The following PRR16 variants were observed in gnomAD, a reference collection of about 807,000 sequenced individuals.
PRR16 encodes the protein proline rich 16, also known as protein Largen.
PRR16 carries 6 observed loss-of-function variants against 18.2 expected under a neutral mutation model. That is an observed-to-expected ratio of 0.33 (90% CI 0.18 to 0.65). The LOEUF (loss-of-function observed/expected upper bound fraction) is 0.65. Among genes scored for constraint, PRR16 ranks in the 30% least tolerant of loss-of-function variants. The pLI, the probability that PRR16 is intolerant of heterozygous loss-of-function variation, is 0.74. For missense variants in PRR16, 412 were observed against 376.6 expected, an observed-to-expected ratio of 1.09 and a Z score of -0.78; for synonymous variants, 151 against 147.8, an observed-to-expected ratio of 1.02 and a Z score of -0.16.
the PRR16 span, among the ~76,000 whole-genome samples, chr5:120,739,131 C>T: frequency 2.6e-5 from 4 of 151,884 alleles, no homozygotes; most frequent in Admixed American, 2.6e-4. Context: ...TTTTGGGAGG[C>T]CACTCTAACA....
chr5:120,501,410 AACACACACACAT>A (rs1185727800), intron 1 of PRR16, among the ~76,000 whole-genome samples: 1 of 139,708 alleles, frequency 7.2e-6, no homozygotes, highest in Non-Finnish European at 1.5e-5. Context: ...GGAGATATTA[AACACACACACAT>A]ACACACACAC....
At chr5:120,749,113 A>G in the PRR16 span, among the ~76,000 whole-genome samples, 1 of 152,268 alleles carries the variant, frequency 6.6e-6, no homozygotes, top group Middle Eastern at 3.4e-3. Context: ...TTCTTTGAAA[A>G]CATATAATGC....
chr5:120,767,777 A>C, the PRR16 span, among the ~76,000 whole-genome samples: 11 of 151,944 alleles, frequency 7.2e-5, no homozygotes, highest in South Asian at 2.3e-3. Flanking sequence ...GCAATCTTGA[A>C]TATAAGACTT....
chr5:120,574,910 A>G (rs1268861417), intron 1 of PRR16, among the ~76,000 whole-genome samples: 2 of 148,640 alleles, frequency 1.3e-5, no homozygotes, highest in African/African-American at 5.2e-5. Context: ...TAACAAAGGA[A>G]TTTGTTCGTA....
the PRR16 span, among the ~76,000 whole-genome samples, chr5:120,703,606 G>A: frequency 6.6e-6 from 1 of 152,188 alleles, no homozygotes; most frequent in Non-Finnish European, 1.5e-5. Flanking sequence ...CAGATGTAAA[G>A]TGCTTTATTG....
At chr5:120,548,742 G>A (rs185110042) in intron 1 of PRR16, among the ~76,000 whole-genome samples, 3 of 152,120 alleles carry the variant, frequency 2.0e-5, no homozygotes, top group African/African-American at 7.2e-5. Flanking sequence ...ATGTATCATT[G>A]TGAAGGCGTC....
intron 1 of PRR16, among the ~76,000 whole-genome samples, chr5:120,532,461 T>C (rs1751582552): frequency 6.6e-6 from 1 of 152,060 alleles, no homozygotes; most frequent in Admixed American, 6.6e-5. Context: ...CAACAAAATT[T>C]ACACTCCTTT....
At chr5:120,558,894 G>T (rs558446577) in intron 1 of PRR16, among the ~76,000 whole-genome samples, 1 of 152,068 alleles carries the variant, frequency 6.6e-6, no homozygotes, top group South Asian at 2.1e-4. Context: ...CTGATGATCA[G>T]TGATGTTGAA....
chr5:120,586,362 T>A (rs1753443316), intron 1 of PRR16, among the ~76,000 whole-genome samples: 1 of 152,264 alleles, frequency 6.6e-6, no homozygotes, highest in East Asian at 1.9e-4. Flanking sequence ...TAATAAATTA[T>A]CTTCTAAAGT....
chr5:120,570,440 G>T (rs1752870588), intron 1 of PRR16, among the ~76,000 whole-genome samples: 1 of 152,168 alleles, frequency 6.6e-6, no homozygotes, highest in Non-Finnish European at 1.5e-5. Context: ...TGGGCCAGAT[G>T]TATAATGTAG....
chr5:120,487,124 A>G (rs545906272), intron 1 of PRR16, among the ~76,000 whole-genome samples: 1 of 152,330 alleles, frequency 6.6e-6, no homozygotes, highest in Non-Finnish European at 1.5e-5. Flanking sequence ...TGACTTGGCA[A>G]TGCGTGCTCT....
chr5:120,480,436 G>A (rs781652831), intron 1 of PRR16, among the ~76,000 whole-genome samples: 18 of 152,024 alleles, frequency 1.2e-4, no homozygotes, highest in Non-Finnish European at 2.4e-4. Context: ...TTTTTTGCAG[G>A]GAGGGGGATA....
Position 120,669,182 on chromosome 5 carries a change from C to T in PRR16, c.160-16772C>T, listed in dbSNP as rs1025075920. ...ACTCCTTCAAGCAGATTTGGTACAA[C>T]TTGCTCAATCAGTTTTTAAAATTAT... is the stretch of plus-strand genomic sequence containing the variant. On this transcript the variant is annotated intron_variant, in intron 1 of 1. Transcript: ENST00000407149. 9.2e-5 allele frequency among the ~76,000 whole-genome samples: 14 copies of T among 152,098 alleles called. 1 individual carries two copies. In the East Asian group the frequency reaches 2.7e-3, roughly 29 times the overall value.
the PRR16 span, among the ~76,000 whole-genome samples, chr5:120,779,675 T>G: frequency 0.059 from 8,859 of 151,170 alleles, 607 homozygotes; most frequent in African/African-American, 0.17. Context: ...CCAAAATAAT[T>G]AAATATTAGA....
At chr5:120,547,158 C>T (rs1282566903) in intron 1 of PRR16, among the ~76,000 whole-genome samples, 1 of 151,896 alleles carries the variant, frequency 6.6e-6, no homozygotes, top group African/African-American at 2.4e-5. Context: ...TCACCATCTC[C>T]AGGCTTTACC....
intron 1 of PRR16, among the ~76,000 whole-genome samples, chr5:120,662,253 T>C (rs1382371833): frequency 6.6e-6 from 1 of 152,156 alleles, no homozygotes; most frequent in Non-Finnish European, 1.5e-5. Flanking sequence ...TTTGGATATA[T>C]TGTATTTTAC....
intron 1 of PRR16, among the ~76,000 whole-genome samples, chr5:120,477,740 A>G (rs1032652044): frequency 6.6e-6 from 1 of 151,998 alleles, no homozygotes; most frequent in East Asian, 1.9e-4. Context: ...CTTCCTTGTT[A>G]TGGTTCTAAT....
chr5:120,558,742 A>G (rs1752490811), intron 1 of PRR16, among the ~76,000 whole-genome samples: 1 of 151,920 alleles, frequency 6.6e-6, no homozygotes, highest in African/African-American at 2.4e-5. Context: ...CATGGTGGTC[A>G]TACTAATTTA....
the PRR16 span, among the ~76,000 whole-genome samples, chr5:120,707,557 G>A: frequency 3.0e-3 from 455 of 152,276 alleles, 1 homozygote; most frequent in Non-Finnish European, 4.5e-3. Flanking sequence ...TTTTAAGGCA[G>A]GAAGAGCCAT....
Sources: allele counts gnomAD v4.1 joint callset (sites outside exome capture counted in the v4.1 genomes callset), GRCh38; gene constraint gnomAD v4.1.1; transcripts MANE v1.5; gene names NCBI Gene and HGNC (gene_info 2026-07-23, HGNC 2026-07-21).